Variants in KCNK10 observed in about 807,000 individuals in gnomAD.
The protein encoded by KCNK10 is potassium two pore domain channel subfamily K member 10.
In KCNK10, 25 loss-of-function variants were observed where a neutral mutation model predicts 47.7. The observed-to-expected ratio is 0.52, with a 90% CI of 0.38 to 0.73. The LOEUF (loss-of-function observed/expected upper bound fraction) is 0.73. Ranked by LOEUF, KCNK10 falls within the 30% of genes least tolerant of loss-of-function variation. The pLI, the probability that KCNK10 is intolerant of heterozygous loss-of-function variation, is 0.00. For missense variants in KCNK10, 563 were observed against 714.5 expected, an observed-to-expected ratio of 0.79 and a Z score of 2.42; for synonymous variants, 303 against 285.6, an observed-to-expected ratio of 1.06 and a Z score of -0.61.
chr14:88,203,560 T>A (rs1885170552), intron 4 of KCNK10, among the ~76,000 whole-genome samples: 1 of 152,162 alleles, frequency 6.6e-6, no homozygotes, highest in African/African-American at 2.4e-5. Context: ...GTGGGTAATA[T>A]CTCTCTGACA....
intron 3 of KCNK10, among the ~76,000 whole-genome samples, chr14:88,240,131 C>T (rs906766143): frequency 2.0e-5 from 3 of 152,066 alleles, no homozygotes; most frequent in African/African-American, 7.2e-5. Flanking sequence ...AAGAGCCCTT[C>T]TGTGATGAGG....
At chr14:88,195,454 A>G (rs8009725) in intron 4 of KCNK10, among the ~76,000 whole-genome samples, 83,013 of 152,006 alleles carry the variant, frequency 0.55, 22,758 homozygotes, top group East Asian at 0.7. Context: ...ACAGTCCCAG[A>G]TTTAATGCTT....
chr14:88,246,618 T>C (rs898128130), intron 2 of KCNK10, among the ~76,000 whole-genome samples: 16 of 152,164 alleles, frequency 1.1e-4, no homozygotes, highest in Non-Finnish European at 8.8e-5. Context: ...CATGGGAGGG[T>C]CTCAGAGAGG....
At chr14:88,232,987 A>G (rs755597772) in intron 3 of KCNK10, among the ~76,000 whole-genome samples, 8 of 152,220 alleles carry the variant, frequency 5.3e-5, no homozygotes, top group Non-Finnish European at 1.0e-4. Flanking sequence ...AGATGATGAC[A>G]GATGGCAGCT....
At chr14:88,289,350 G>GC (rs1887830494) in intron 1 of KCNK10, among the ~76,000 whole-genome samples, 1 of 152,190 alleles carries the variant, frequency 6.6e-6, no homozygotes, top group South Asian at 2.1e-4. Context: ...CTGAAGCAGG[G>GC]CCCCATTAGT....
At chr14:88,209,180 C>T (rs980128641) in intron 4 of KCNK10, among the ~76,000 whole-genome samples, 1 of 152,184 alleles carries the variant, frequency 6.6e-6, no homozygotes, top group Non-Finnish European at 1.5e-5. Flanking sequence ...TCGGAGGAAA[C>T]TTTAGTCTTC....
Position 88,322,841 on chromosome 14 carries a change from T to A in KCNK10, c.-43A>T, listed in dbSNP as rs370607376. The A allele has an allele frequency of 4.5e-5, 73 of 1,613,764 alleles. No individual in the cohort carries two copies. In the African/African-American group the frequency reaches 9.8e-4, roughly 22 times the overall value. On this transcript the variant is annotated 5_prime_UTR_variant, in exon 1 of 7. Transcript: ENST00000319231. This position sits in a 1 kb window ranked among gnomAD's most constrained non-coding sequence, Gnocchi z 4.8. The stretch of plus-strand genomic sequence containing the variant: ...GGGGAAGAAATGAAAAGAACCCAAA[T>A]AATAATAAAGTCCTCAAGCTTTACA...
intron 1 of KCNK10, among the ~76,000 whole-genome samples, chr14:88,308,914 G>A (rs1439001228): frequency 1.3e-5 from 2 of 152,164 alleles, no homozygotes; most frequent in Admixed American, 6.5e-5. Flanking sequence ...TATCAGAATG[G>A]CCTCATTTTC....
At chr14:88,232,893 C>G (rs1039334207) in intron 3 of KCNK10, among the ~76,000 whole-genome samples, 3 of 152,206 alleles carry the variant, frequency 2.0e-5, no homozygotes, top group African/African-American at 4.8e-5. Flanking sequence ...ACAGAGGAAA[C>G]AGCTCCTAGG....
intron 3 of KCNK10, among the ~76,000 whole-genome samples, chr14:88,233,450 T>C (rs1248629086): frequency 3.3e-5 from 5 of 152,204 alleles, no homozygotes; most frequent in Middle Eastern, 3.2e-3. Context: ...CTAATAATTG[T>C]GGCCAAGCAC....
intron 2 of KCNK10, among the ~76,000 whole-genome samples, chr14:88,255,831 G>C (rs1359851011): frequency 6.6e-6 from 1 of 152,118 alleles, no homozygotes; most frequent in Non-Finnish European, 1.5e-5. Flanking sequence ...CTGCACTCCA[G>C]TGTGGGTAAG....
intron 1 of KCNK10, among the ~76,000 whole-genome samples, chr14:88,286,460 C>G (rs1887762150): frequency 6.6e-6 from 1 of 152,158 alleles, no homozygotes; most frequent in South Asian, 2.1e-4. Context: ...AAAACCAGGA[C>G]AGAACCCAAG....
chr14:88,185,888 T>G lies in KCNK10; in HGVS notation c.1279A>C (p.Asn427His). 1 of 1,614,076 alleles carries G rather than the reference T, an allele frequency of 6.2e-7. No homozygotes were observed. Among genetic ancestry groups the G allele is most frequent in the Non-Finnish European group, 8.5e-7 (1 of 1,180,002 alleles). The change falls in exon 7 of 7, where the codon AAC (asparagine) becomes CAC (histidine). Residue 427 changes from asparagine (N) to histidine (H), a missense_variant. Transcript: ENST00000319231. The surrounding 1 kb of genome is among the most constrained non-coding windows in gnomAD (Gnocchi z 4.3). ...SQESINNRPN[N>H]LRLKGPEQLN... ...TGCTCCGGCCCCTTCAGGCGCAGGTTGTTGGGCCGGTTGTTGATGCTCTCC... is the reference window on the plus strand; with the variant it reads ...TGCTCCGGCCCCTTCAGGCGCAGGTGGTTGGGCCGGTTGTTGATGCTCTCC...
Position 88,211,480 on chromosome 14 carries a change from A to C in KCNK10, c.681+15895T>G, listed in dbSNP as rs565623535. Among the ~76,000 whole-genome samples, 44 of 152,314 alleles carry C rather than the reference A, an allele frequency of 2.9e-4. No homozygotes were observed. The South Asian group carries it at 3.5e-3, about 12-fold the overall frequency. ...TGTACTTAATGCCACTGAACTGTAC[A>C]CTTAAAAACAGGATGGTAAATTTTA... is the stretch of plus-strand genomic sequence containing the variant. On this transcript the variant is annotated intron_variant, in intron 4 of 6. Coordinates refer to ENST00000319231, the MANE Select transcript of KCNK10 (RefSeq NM_138317.3).
At chr14:88,228,578 T>C (rs1169120858) in intron 3 of KCNK10, among the ~76,000 whole-genome samples, 1 of 152,208 alleles carries the variant, frequency 6.6e-6, no homozygotes, top group Non-Finnish European at 1.5e-5. Context: ...GTGGGGCCTG[T>C]TTCTGAATCC....
At chr14:88,259,859 A>G (rs1464913167) in intron 2 of KCNK10, among the ~76,000 whole-genome samples, 1 of 152,282 alleles carries the variant, frequency 6.6e-6, no homozygotes, top group East Asian at 1.9e-4. Flanking sequence ...CCAGTGTAGG[A>G]GAAGGGGTAT....
chr14:88,277,831 C>G (rs1384186207), intron 1 of KCNK10, among the ~76,000 whole-genome samples: 4 of 152,098 alleles, frequency 2.6e-5, no homozygotes, highest in African/African-American at 9.7e-5. Context: ...GCCAGCTAGA[C>G]CAACACCTCA....
intron 1 of KCNK10, among the ~76,000 whole-genome samples, chr14:88,309,796 G>T (rs552756738): frequency 3.9e-5 from 6 of 152,180 alleles, no homozygotes; most frequent in African/African-American, 1.4e-4. Context: ...AGCCTCAATG[G>T]ACTTGGATAT....
chr14:88,218,067 C>T (rs777377757), intron 4 of KCNK10, among the ~76,000 whole-genome samples: 6 of 152,054 alleles, frequency 3.9e-5, no homozygotes, highest in Non-Finnish European at 8.8e-5. Flanking sequence ...CTATGTTGCC[C>T]AGGCTGGTCT....
Sources: allele counts gnomAD v4.1 joint callset (sites outside exome capture counted in the v4.1 genomes callset), GRCh38; gene constraint gnomAD v4.1.1; non-coding constraint Gnocchi (gnomAD v3.1); transcripts MANE v1.5; gene names NCBI Gene and HGNC (gene_info 2026-07-23, HGNC 2026-07-21).